The following ANKRD33B variants were observed in gnomAD, a reference collection of about 807,000 sequenced individuals.
The protein encoded by ANKRD33B is ankyrin repeat domain 33B.
Under a neutral mutation model 21.5 loss-of-function variants are expected in ANKRD33B, and 6 were observed. The ratio of observed to expected loss-of-function variants is 0.28; its 90% CI spans 0.15 to 0.55. The LOEUF (loss-of-function observed/expected upper bound fraction) is 0.55. Among genes scored for constraint, ANKRD33B ranks in the 20% least tolerant of loss-of-function variants. The pLI is 0.94. For synonymous variants in ANKRD33B, 347 were observed against 342.4 expected (o/e 1.01, Z -0.15); for missense variants, 698 against 747.2 (o/e 0.93, Z 0.77).
At chr5:10,590,261 G>A (rs934214226) in intron 1 of ANKRD33B, among the ~76,000 whole-genome samples, 1 of 152,172 alleles carries the variant, frequency 6.6e-6, no homozygotes, top group African/African-American at 2.4e-5. Context: ...TTTTTGGAAT[G>A]CTAGACATTG....
chr5:10,642,191 G>T (rs1463433515), intron 3 of ANKRD33B, among the ~76,000 whole-genome samples: 1 of 152,180 alleles, frequency 6.6e-6, no homozygotes, highest in Non-Finnish European at 1.5e-5. Context: ...GTCTCCTGGG[G>T]GTTTCAGGCA....
intron 2 of ANKRD33B, among the ~76,000 whole-genome samples, chr5:10,628,810 G>A (rs943771274): frequency 9.2e-5 from 14 of 152,188 alleles, no homozygotes; most frequent in Admixed American, 9.2e-4. Flanking sequence ...ATATATGCAT[G>A]GGAACGTGGA....
At position 10,634,457 on chromosome 5, in the gene ANKRD33B, A is replaced by ATTTTT. The variant is rs34515233; in HGVS notation, c.497-3568_497-3564dup. Among the ~76,000 whole-genome samples the ATTTTT allele has an allele frequency of 8.1e-3, 1,152 of 141,732 alleles. 43 individuals carry two copies. The highest frequency in any genetic ancestry group is 0.021 in the African/African-American group (793 of 38,164). 93.0% of individuals were successfully genotyped at this position (141,732 alleles called of 152,430 possible). On this transcript the variant is annotated intron_variant, in intron 2 of 3. Coordinates refer to ENST00000296657, the MANE Select transcript of ANKRD33B (RefSeq NM_001164440.2). ...CCAAGTTGGACTGGGCTCAAACTAGATTTTTTTCTTTTTTTTTTTTGAGAC... is the reference window on the plus strand; with the variant it reads ...CCAAGTTGGACTGGGCTCAAACTAGATTTTTTTTTTTTCTTTTTTTTTTTTGAGAC...
At position 10,640,694 on chromosome 5, in the gene ANKRD33B, T is replaced by C. The variant is rs548945996; in HGVS notation, c.637+2526T>C. Among the ~76,000 whole-genome samples, 9 of 152,386 alleles carry C rather than the reference T, an allele frequency of 5.9e-5. No homozygotes were observed. The South Asian group carries it at 1.9e-3, about 32-fold the overall frequency. ...TGGCACTGGGTTCAGCCAGTCCTGC[T>C]TGGCGCTGCAAGTTCCTGAAGAAGT... On this transcript the variant is annotated intron_variant, in intron 3 of 3. Coordinates refer to ENST00000296657, the MANE Select transcript of ANKRD33B (RefSeq NM_001164440.2).
chr5:10,656,304 T>A lies in ANKRD33B; in HGVS notation c.*6191T>A, dbSNP rs1045398577. 6.6e-6 allele frequency: 1 copy of A among 152,436 alleles called. No homozygotes were observed. The highest frequency in any genetic ancestry group is 1.5e-5 in the Non-Finnish European group (1 of 68,054). 9.4% of individuals were successfully genotyped at this position (152,436 alleles called of 1,614,324 possible). On this transcript the variant is annotated 3_prime_UTR_variant, in exon 4 of 4. Coordinates refer to ENST00000296657, the MANE Select transcript of ANKRD33B (RefSeq NM_001164440.2). ...GACTCAGCTGAAAGCCGGTGTTGCA[T>A]ACACAATTTCCTCACGCTGACCCAG...
chr5:10,622,912 G>A (rs1478545819), intron 2 of ANKRD33B, among the ~76,000 whole-genome samples: 1 of 151,742 alleles, frequency 6.6e-6, no homozygotes, highest in Non-Finnish European at 1.5e-5. Context: ...GGAGATTGGA[G>A]GGCTCTCTGG....
In ANKRD33B at chr5:10,564,352, G is replaced by A; in HGVS notation, c.-116G>A. 1.4e-6 allele frequency: 1 copy of A among 725,468 alleles called. No individual in the cohort carries two copies. The highest frequency in any genetic ancestry group is 1.7e-6 in the Non-Finnish European group (1 of 588,376). The allele number at this position is 725,468 out of a possible 1,614,324, so 44.9% of individuals were successfully genotyped here. Reference sequence around the variant, plus strand: ...GCCGGTTTCCGCCGAGCTGGAGCGCGCGGGCCACGGCTTCTCTGGGGACGC... The same window carrying A: ...GCCGGTTTCCGCCGAGCTGGAGCGCACGGGCCACGGCTTCTCTGGGGACGC... On this transcript the variant is annotated 5_prime_UTR_variant, in exon 1 of 4. Coordinates refer to ENST00000296657, the MANE Select transcript of ANKRD33B (RefSeq NM_001164440.2).
At chr5:10,567,575 A>G (rs1026401006) in intron 1 of ANKRD33B, among the ~76,000 whole-genome samples, 1 of 152,226 alleles carries the variant, frequency 6.6e-6, no homozygotes, top group Admixed American at 6.5e-5. Flanking sequence ...CTCCTGGTTT[A>G]AGGGCACCTT....
chr5:10,630,383 C>G (rs1736679157), intron 2 of ANKRD33B, among the ~76,000 whole-genome samples: 1 of 152,206 alleles, frequency 6.6e-6, no homozygotes, highest in Non-Finnish European at 1.5e-5. Context: ...GCATGAAAGT[C>G]TGGATAAGTA....
chr5:10,615,904 G>A (rs1424327065), intron 1 of ANKRD33B, among the ~76,000 whole-genome samples: 1 of 152,190 alleles, frequency 6.6e-6, no homozygotes, highest in East Asian at 1.9e-4. Context: ...GGTGGTGGTG[G>A]CAGCGAACTC....
At chr5:10,635,633 C>G (rs117440162) in intron 2 of ANKRD33B, among the ~76,000 whole-genome samples, 1 of 152,204 alleles carries the variant, frequency 6.6e-6, no homozygotes, top group African/African-American at 2.4e-5. Context: ...AGGTCAATGG[C>G]GAGCTTGCTC....
At chr5:10,629,475 T>G (rs59650587) in intron 2 of ANKRD33B, among the ~76,000 whole-genome samples, 3,201 of 152,132 alleles carry the variant, frequency 0.021, 117 homozygotes, top group African/African-American at 0.073. Context: ...CTGGTGGTGT[T>G]CATCACTGAA....
Position 10,605,534 on chromosome 5 carries a change from C to CTT in ANKRD33B, c.367-12789_367-12788dup, listed in dbSNP as rs35088716. On this transcript the variant is annotated intron_variant, in intron 1 of 3. Coordinates refer to ENST00000296657, the MANE Select transcript of ANKRD33B (RefSeq NM_001164440.2). ...GTTTCTTTCTTTCCTTTTCTTCTTC[C>CTT]TTTTTTTTTTTGAGGTGGAGTTTTG... Among the ~76,000 whole-genome samples, 1,260 of 146,838 alleles carry CTT rather than the reference C, an allele frequency of 8.6e-3. 17 individuals are homozygous for CTT. The highest frequency in any genetic ancestry group is 9.7e-3 in the Admixed American group (144 of 14,800).
chr5:10,622,807 T>TTTTTTTTTTTTTTG (rs200891933), intron 2 of ANKRD33B, among the ~76,000 whole-genome samples: 1 of 125,948 alleles, frequency 7.9e-6, no homozygotes, highest in South Asian at 2.4e-4. Context: ...TATTTTATTT[T>TTTTTTTTTTTTTTG]ATTTTTTTTT....
At chr5:10,577,389 C>T (rs919702349) in intron 1 of ANKRD33B, among the ~76,000 whole-genome samples, 12 of 152,208 alleles carry the variant, frequency 7.9e-5, no homozygotes, top group African/African-American at 2.2e-4. Context: ...CTCAGCCTCC[C>T]GTAGATTACA....
intron 2 of ANKRD33B, among the ~76,000 whole-genome samples, chr5:10,623,095 G>A (rs566030501): frequency 6.6e-6 from 1 of 152,240 alleles, no homozygotes; most frequent in South Asian, 2.1e-4. Flanking sequence ...TAACAACCAA[G>A]GAGCAGCCCC....
chr5:10,629,470 G>A (rs1372255636), intron 2 of ANKRD33B, among the ~76,000 whole-genome samples: 3 of 152,064 alleles, frequency 2.0e-5, no homozygotes, highest in African/African-American at 7.2e-5. Context: ...GGTGACTGGT[G>A]GTGTTCATCA....
chr5:10,625,455 A>G (rs1736523238), intron 2 of ANKRD33B, among the ~76,000 whole-genome samples: 1 of 152,028 alleles, frequency 6.6e-6, no homozygotes, highest in African/African-American at 2.4e-5. Context: ...TGCTGTTGAG[A>G]CTGTGTTTTT....
intron 1 of ANKRD33B, among the ~76,000 whole-genome samples, chr5:10,602,540 T>G (rs1461880044): frequency 6.6e-6 from 1 of 152,226 alleles, no homozygotes; most frequent in African/African-American, 2.4e-5. Flanking sequence ...AACATTGCCT[T>G]GAAAATAGTT....
Sources: allele counts gnomAD v4.1 joint callset (sites outside exome capture counted in the v4.1 genomes callset), GRCh38; gene constraint gnomAD v4.1.1; transcripts MANE v1.5; gene names NCBI Gene and HGNC (gene_info 2026-07-23, HGNC 2026-07-21).